OSBP2: variants seen among roughly 807,000 people sequenced by gnomAD.
OSBP2 encodes oxysterol binding protein 2, also known as oxysterol-binding protein 2.
Under a neutral mutation model 96.0 loss-of-function variants are expected in OSBP2, and 66 were observed. The observed-to-expected ratio is 0.69, with a 90% confidence interval of 0.56 to 0.84. The LOEUF (loss-of-function observed/expected upper bound fraction) is 0.84. Ranked by LOEUF, OSBP2 falls within the 40% of genes least tolerant of loss-of-function variation. The pLI, the probability that OSBP2 is intolerant of heterozygous loss-of-function variation, is 0.00. For synonymous variants in OSBP2, 525 were observed against 520.9 expected, an observed-to-expected ratio of 1.01 and a Z score of -0.11; for missense variants, 1,038 against 1,222.7, an observed-to-expected ratio of 0.85 and a Z score of 2.25.
chr22:30,753,112 G>T (rs1385557938), intron 2 of OSBP2, among the ~76,000 whole-genome samples: 1 of 152,106 alleles, frequency 6.6e-6, no homozygotes, highest in East Asian at 1.9e-4. Context: ...AGCCCTATAT[G>T]AACTCAAACT....
At chr22:30,759,912 T>C (rs917029260) in intron 2 of OSBP2, among the ~76,000 whole-genome samples, 8 of 151,868 alleles carry the variant, frequency 5.3e-5, no homozygotes, top group Non-Finnish European at 5.9e-5. Context: ...CAGGCTGGAG[T>C]GTGCAGTGGT....
At chr22:30,728,055 G>C (rs965099883) in intron 1 of OSBP2, among the ~76,000 whole-genome samples, 1 of 147,906 alleles carries the variant, frequency 6.8e-6, no homozygotes, top group African/African-American at 2.5e-5. Context: ...CATGAGCCGA[G>C]ATCACACCAC....
intron 12 of OSBP2, among the ~76,000 whole-genome samples, chr22:30,903,809 G>A (rs1315340547): frequency 6.6e-6 from 1 of 152,248 alleles, no homozygotes; most frequent in Non-Finnish European, 1.5e-5. Flanking sequence ...AACATAATGA[G>A]ATACTGTGCT....
chr22:30,883,878 G>A lies in OSBP2; in HGVS notation c.1108-3548G>A, dbSNP rs922180783. ...GCTGGGGCACATTGTCTCTGAGTCT[G>A]TTTTCAGGGTCCTCACTCTAAGGCC... On this transcript the variant is annotated intron_variant, in intron 3 of 13. Transcript: ENST00000332585. 2.0e-5 allele frequency among the ~76,000 whole-genome samples: 3 copies of A among 152,200 alleles called. No individual in the cohort carries two copies. The South Asian group carries it at 6.2e-4, about 32-fold the overall frequency.
At chr22:30,808,905 G>C (rs2090969394) in intron 2 of OSBP2, among the ~76,000 whole-genome samples, 1 of 152,158 alleles carries the variant, frequency 6.6e-6, no homozygotes, top group Non-Finnish European at 1.5e-5. Flanking sequence ...AGTGAGCTGA[G>C]ATTGTGCCAC....
At chr22:30,731,978 C>T (rs2089787641) in intron 1 of OSBP2, among the ~76,000 whole-genome samples, 1 of 152,166 alleles carries the variant, frequency 6.6e-6, no homozygotes, top group South Asian at 2.1e-4. Flanking sequence ...TGGCCTTGCT[C>T]ATTATCAGCC....
chr22:30,739,714 G>C (rs1347940086), intron 1 of OSBP2, among the ~76,000 whole-genome samples: 1 of 152,042 alleles, frequency 6.6e-6, no homozygotes, highest in African/African-American at 2.4e-5. Flanking sequence ...CATGAAAACA[G>C]GGGAATTGCA....
At chr22:30,759,948 G>T (rs2090186846) in intron 2 of OSBP2, among the ~76,000 whole-genome samples, 1 of 151,346 alleles carries the variant, frequency 6.6e-6, no homozygotes, top group African/African-American at 2.4e-5. Flanking sequence ...TGCAACCTCT[G>T]CCTCCCAGGT....
intron 2 of OSBP2, among the ~76,000 whole-genome samples, chr22:30,840,218 A>G (rs1464042309): frequency 1.3e-5 from 2 of 151,856 alleles, no homozygotes; most frequent in African/African-American, 4.8e-5. Context: ...ATAAAAAAAA[A>G]AAAGAAAGAA....
intron 2 of OSBP2, among the ~76,000 whole-genome samples, chr22:30,826,492 A>C (rs78414098): frequency 0.023 from 3,554 of 152,148 alleles, 57 homozygotes; most frequent in Middle Eastern, 0.054. Context: ...ATTCTAGTTC[A>C]TCCTGAAGTT....
At chr22:30,694,182 CAA>C (rs1252122380), upstream of OSBP2, 16 of 1,550,186 alleles carry the variant, frequency 1.0e-5, no homozygotes, top group African/African-American at 2.7e-5. Flanking sequence ...GCTTGGTTTA[CAA>C]AAAGTCTTCC....
intron 1 of OSBP2, among the ~76,000 whole-genome samples, chr22:30,718,121 T>C (rs1569095003): frequency 6.6e-6 from 1 of 152,130 alleles, no homozygotes; most frequent in Non-Finnish European, 1.5e-5. Context: ...GCATCCCAGC[T>C]TGAGCCTGCA....
Position 30,730,808 on chromosome 22 carries a change from AAT to A in OSBP2, c.645-10352_645-10351del, listed in dbSNP as rs2089763128. On this transcript the variant is annotated intron_variant, in intron 1 of 13. Transcript: ENST00000332585. ...TATATATATATATATATATATATATAATTTTTTTTTTTTTTCCCATGGACATT... is the reference window on the plus strand; with the variant it reads ...TATATATATATATATATATATATATATTTTTTTTTTTTTCCCATGGACATT... Among the ~76,000 whole-genome samples, 135 of 39,322 alleles carry A rather than the reference AAT, an allele frequency of 3.4e-3. 14 individuals are homozygous for A. Among genetic ancestry groups the A allele is most frequent in the African/African-American group, 0.015 (125 of 8,554 alleles). The allele number at this position is 39,322 out of a possible 152,430, so 25.8% of individuals were successfully genotyped here.
chr22:30,749,345 A>G (rs2090044870), intron 2 of OSBP2, among the ~76,000 whole-genome samples: 1 of 152,208 alleles, frequency 6.6e-6, no homozygotes. Context: ...TAGTTGGTTA[A>G]TATCATTAGC....
intron 2 of OSBP2, among the ~76,000 whole-genome samples, chr22:30,863,984 T>C (rs929422554): frequency 1.3e-4 from 19 of 151,974 alleles, no homozygotes; most frequent in Non-Finnish European, 2.2e-4. Flanking sequence ...TTGTTTTTTT[T>C]TTTTGAAACG....
chr22:30,809,451 G>T (rs890281840), intron 2 of OSBP2, among the ~76,000 whole-genome samples: 1 of 152,188 alleles, frequency 6.6e-6, no homozygotes, highest in African/African-American at 2.4e-5. Context: ...AGTCTCCTTG[G>T]GGGAGGGAAG....
chr22:30,834,720 G>A (rs1030740599), intron 2 of OSBP2, among the ~76,000 whole-genome samples: 6 of 151,682 alleles, frequency 4.0e-5, no homozygotes, highest in South Asian at 2.1e-4. Flanking sequence ...TCTCGTATGA[G>A]TTATTTATAT....
chr22:30,773,229 A>G (rs765739231), intron 2 of OSBP2: 2 of 151,738 alleles, frequency 1.3e-5, no homozygotes, highest in Non-Finnish European at 2.9e-5. Flanking sequence ...CAGCCTCCTG[A>G]GTAGCTGGGC....
intron 2 of OSBP2, among the ~76,000 whole-genome samples, chr22:30,831,110 G>A (rs928661880): frequency 3.3e-5 from 5 of 152,116 alleles, no homozygotes; most frequent in Non-Finnish European, 4.4e-5. Context: ...GAATGCAATC[G>A]CTGAGTCAAA....
Sources: gnomAD v4.1 joint callset for allele counts (sites outside exome capture counted in the v4.1 genomes callset) on GRCh38, gnomAD v4.1.1 for gene constraint, MANE v1.5 for transcripts, NCBI Gene and HGNC (gene_info 2026-07-23, HGNC 2026-07-21) for gene names.